Variants in CACNA1D observed in about 807,000 individuals in gnomAD.
CACNA1D encodes the protein calcium voltage-gated channel subunit alpha1 D.
CACNA1D carries 55 observed loss-of-function variants against 257.1 expected under a neutral mutation model. That is an observed-to-expected ratio of 0.21 (90% CI 0.17 to 0.27). CACNA1D has a LOEUF of 0.27. Among genes scored for constraint, CACNA1D ranks in the 10% least tolerant of loss-of-function variants. The probability of loss-of-function intolerance (pLI) is 1.00; values close to 1 mark genes in which losing one functional copy is unlikely to be tolerated. For synonymous variants in CACNA1D, 980 were observed against 1,014.9 expected (o/e 0.97, Z 0.65); for missense variants, 1,876 against 2,784.0 (o/e 0.67, Z 7.34).
At chr3:53,519,472 T>G (rs2091469467) in intron 3 of CACNA1D, among the ~76,000 whole-genome samples, 1 of 152,186 alleles carries the variant, frequency 6.6e-6, no homozygotes, top group African/African-American at 2.4e-5. Flanking sequence ...TTGCTTATAA[T>G]TGAAGCATCT....
chr3:53,510,533 G>A (rs968249922), intron 3 of CACNA1D, among the ~76,000 whole-genome samples: 3 of 152,142 alleles, frequency 2.0e-5, no homozygotes, highest in Admixed American at 1.3e-4. Context: ...CCTTTTGTAT[G>A]CTTCTTTGTG....
At chr3:53,623,707 A>G (rs776457053) in intron 3 of CACNA1D, among the ~76,000 whole-genome samples, 2 of 152,186 alleles carry the variant, frequency 1.3e-5, no homozygotes, top group Admixed American at 6.5e-5. Flanking sequence ...TATCAAATTC[A>G]GAAGAATACT....
chr3:53,732,661 C>A (rs960603509), intron 18 of CACNA1D, among the ~76,000 whole-genome samples, 154 bp from the exon 19 acceptor site: 3 of 152,192 alleles, frequency 2.0e-5, no homozygotes, highest in Non-Finnish European at 4.4e-5. Context: ...AACACACACT[C>A]AGTCCATGTT....
chr3:53,504,003 C>T (rs1400333757), intron 3 of CACNA1D, among the ~76,000 whole-genome samples: 2 of 150,892 alleles, frequency 1.3e-5, no homozygotes, highest in Non-Finnish European at 2.9e-5. Context: ...CCTTCTGACT[C>T]TAAGCAAGGT....
chr3:53,536,420 A>G (rs1171388202), intron 3 of CACNA1D, among the ~76,000 whole-genome samples: 1 of 152,204 alleles, frequency 6.6e-6, no homozygotes, highest in Non-Finnish European at 1.5e-5. Context: ...CCTTGTTAAC[A>G]TATGGTACTG....
chr3:53,776,255 C>T (rs375964459), intron 35 of CACNA1D, among the ~76,000 whole-genome samples: 300 of 152,344 alleles, frequency 2.0e-3, no homozygotes, highest in African/African-American at 6.8e-3. Flanking sequence ...GCTCACTAAT[C>T]GGCTTGGAGC....
At chr3:53,704,662 A>G (rs1267578941) in intron 9 of CACNA1D, among the ~76,000 whole-genome samples, 1 of 152,166 alleles carries the variant, frequency 6.6e-6, no homozygotes, top group Non-Finnish European at 1.5e-5. Flanking sequence ...AGATGCCTGC[A>G]CCGCTCTTTT....
chr3:53,628,377 A>G (rs907597248), intron 3 of CACNA1D, among the ~76,000 whole-genome samples: 3 of 152,198 alleles, frequency 2.0e-5, no homozygotes, highest in Non-Finnish European at 2.9e-5. Context: ...GTCAACACAC[A>G]CTGTTCTGAG....
At chr3:53,570,366 A>G (rs2092922139) in intron 3 of CACNA1D, among the ~76,000 whole-genome samples, 1 of 152,226 alleles carries the variant, frequency 6.6e-6, no homozygotes, top group Non-Finnish European at 1.5e-5. Flanking sequence ...GTTATACAGT[A>G]AACACTCCAT....
intron 22 of CACNA1D, 109 bp from the exon 23 acceptor site, chr3:53,744,631 G>A: frequency 2.6e-6 from 2 of 783,800 alleles, no homozygotes; most frequent in Admixed American, 1.7e-5. Context: ...TGGATCCCAC[G>A]CTAACTGTGC....
intron 3 of CACNA1D, among the ~76,000 whole-genome samples, chr3:53,525,984 G>A (rs536275873): frequency 6.6e-6 from 1 of 152,298 alleles, no homozygotes; most frequent in Admixed American, 6.5e-5. Context: ...CCATTCTCAA[G>A]AATTCTCAGA....
intron 39 of CACNA1D, chr3:53,785,462 G>A (rs2095447712): frequency 1.3e-5 from 2 of 152,292 alleles, no homozygotes; most frequent in East Asian, 1.9e-4. Flanking sequence ...GGCATCTCCA[G>A]TGGGGACCAC....
chr3:53,725,696 C>T (rs555313836), intron 14 of CACNA1D, among the ~76,000 whole-genome samples: 17 of 152,220 alleles, frequency 1.1e-4, no homozygotes, highest in Admixed American at 8.5e-4. Flanking sequence ...TGAGGTTGAA[C>T]GTCTTTTCCT....
At chr3:53,683,218 A>G (rs2094448109) in intron 8 of CACNA1D, among the ~76,000 whole-genome samples, 2 of 152,222 alleles carry the variant, frequency 1.3e-5, no homozygotes, top group Non-Finnish European at 2.9e-5. Context: ...GGCAGAGAAC[A>G]GCTAGTAGAA....
intron 35 of CACNA1D, 85 bp from the exon 36 acceptor site, chr3:53,776,518 T>A: frequency 6.6e-7 from 1 of 1,518,700 alleles, no homozygotes; most frequent in Non-Finnish European, 9.1e-7. Context: ...CCATGTTTCA[T>A]GTCCATGTCA....
intron 20 of CACNA1D, among the ~76,000 whole-genome samples, chr3:53,738,467 A>G (rs2108802224): frequency 6.6e-6 from 1 of 152,312 alleles, no homozygotes; most frequent in Non-Finnish European, 1.5e-5. Flanking sequence ...CCTCTGTGTC[A>G]TTTCATTCCA....
intron 9 of CACNA1D, among the ~76,000 whole-genome samples, chr3:53,707,973 A>G: frequency 6.6e-6 from 1 of 152,226 alleles, no homozygotes; most frequent in Non-Finnish European, 1.5e-5. Flanking sequence ...TCTGACCACA[A>G]GGGCAGCCTC....
chr3:53,634,755 A>G (rs1442646113), intron 3 of CACNA1D, among the ~76,000 whole-genome samples: 4 of 152,160 alleles, frequency 2.6e-5, no homozygotes, highest in East Asian at 1.9e-4. Context: ...TCAATCCTCA[A>G]TTCCAGAAAG....
chr3:53,711,379 C>A (rs2094753486), intron 9 of CACNA1D, among the ~76,000 whole-genome samples: 1 of 152,214 alleles, frequency 6.6e-6, no homozygotes, highest in African/African-American at 2.4e-5. Context: ...GCTAAACATA[C>A]CCTTCCTCAG....
Sources: allele counts gnomAD v4.1 joint callset (sites outside exome capture counted in the v4.1 genomes callset), GRCh38; gene constraint gnomAD v4.1.1; transcripts MANE v1.5; gene names NCBI Gene and HGNC (gene_info 2026-07-23, HGNC 2026-07-21).